TGFA: variants seen among roughly 807,000 people sequenced by gnomAD.
TGFA encodes the protein transforming growth factor alpha, also known as protransforming growth factor alpha.
A neutral mutation model predicts 21.7 loss-of-function variants in TGFA; 12 were observed. The ratio of observed to expected loss-of-function variants is 0.55; its 90% CI spans 0.35 to 0.90. The LOEUF is 0.90. Among genes scored for constraint, TGFA ranks in the 40% least tolerant of loss-of-function variants. TGFA has a pLI of 0.01. For synonymous variants in TGFA, 79 were observed against 88.1 expected (o/e 0.90, Z 0.58); for missense variants, 178 against 210.8 (o/e 0.84, Z 0.96).
intron 3 of TGFA, among the ~76,000 whole-genome samples, chr2:70,457,487 A>T (rs1230785504): frequency 6.6e-6 from 1 of 152,056 alleles, no homozygotes; most frequent in African/African-American, 2.4e-5. Flanking sequence ...TGTATAGAGT[A>T]ACATTCTTAT....
chr2:70,466,172 T>C (rs141233506), intron 2 of TGFA, among the ~76,000 whole-genome samples: 254 of 152,292 alleles, frequency 1.7e-3, no homozygotes, highest in African/African-American at 5.8e-3. Context: ...GAGTTAATGA[T>C]GCAAAAAGGT....
chr2:70,505,338 A>T (rs1671890822), intron 2 of TGFA, among the ~76,000 whole-genome samples: 1 of 152,224 alleles, frequency 6.6e-6, no homozygotes, highest in African/African-American at 2.4e-5. Flanking sequence ...TGGCAACTGC[A>T]ATCTGGTTAT....
intron 2 of TGFA, among the ~76,000 whole-genome samples, chr2:70,470,720 T>C (rs1670716481): frequency 6.6e-6 from 1 of 152,060 alleles, no homozygotes; most frequent in Non-Finnish European, 1.5e-5. Flanking sequence ...GAGACCAGAG[T>C]GGAAACAAGC....
At chr2:70,513,881 T>C (rs573606260) in intron 2 of TGFA, among the ~76,000 whole-genome samples, 17 of 151,782 alleles carry the variant, frequency 1.1e-4, no homozygotes, top group Non-Finnish European at 2.5e-4. Context: ...AACCAGGGAG[T>C]TGTGGGACTG....
At chr2:70,511,916 C>T (rs1438364940) in intron 2 of TGFA, among the ~76,000 whole-genome samples, 4 of 151,966 alleles carry the variant, frequency 2.6e-5, no homozygotes, top group Admixed American at 2.6e-4. Context: ...CACACACACA[C>T]ACACACACAC....
chr2:70,553,143 A>T, intron 1 of TGFA: 1 of 1,533,654 alleles, frequency 6.5e-7, no homozygotes, highest in Admixed American at 2.0e-5. Flanking sequence ...AGGGAAGTTA[A>T]TTAAAGGAAC....
chr2:70,494,632 C>T (rs186239870), intron 2 of TGFA, among the ~76,000 whole-genome samples: 12 of 152,282 alleles, frequency 7.9e-5, no homozygotes, highest in South Asian at 4.1e-4. Context: ...AATAAGTCTC[C>T]GACCTTATCT....
chr2:70,524,212 C>A (rs1553502665), intron 1 of TGFA, among the ~76,000 whole-genome samples: 1 of 152,208 alleles, frequency 6.6e-6, no homozygotes, highest in Admixed American at 6.5e-5. Context: ...AAGCAAATAG[C>A]AGATAGGTAA....
chr2:70,515,118 C>T (rs928655492), intron 1 of TGFA, among the ~76,000 whole-genome samples: 1 of 152,160 alleles, frequency 6.6e-6, no homozygotes, highest in Non-Finnish European at 1.5e-5. Flanking sequence ...AGAAAATGCC[C>T]ATGAAAAGCA....
chr2:70,468,341 G>T (rs1341891578), intron 2 of TGFA: 1 of 152,252 alleles, frequency 6.6e-6, no homozygotes, highest in Non-Finnish European at 1.5e-5. Context: ...CAGGACTGCT[G>T]GGTCCAGTTG....
Position 70,448,228 on chromosome 2 carries a change from T to A in TGFA, c.*2631A>T, listed in dbSNP as rs1669945619. ...TTTCCATGTAGAAGAAAACATTTCC[T>A]GTCAGGATGCTTAAAAAAAGTCACA... On this transcript the variant is annotated 3_prime_UTR_variant, in exon 6 of 6. Transcript: ENST00000295400. 6.6e-6 allele frequency: 1 copy of A among 152,184 alleles called. No homozygotes were observed. Among genetic ancestry groups the A allele is most frequent in the Non-Finnish European group, 1.5e-5 (1 of 68,032 alleles). The allele number at this position is 152,184 out of a possible 1,614,324, so 9.4% of individuals were successfully genotyped here. A position where few individuals can be genotyped will look rare whatever the true frequency, so the allele number is the denominator to read the frequency against.
At chr2:70,544,595 C>A (rs1011229152) in intron 1 of TGFA, among the ~76,000 whole-genome samples, 2 of 152,290 alleles carry the variant, frequency 1.3e-5, no homozygotes, top group Middle Eastern at 3.4e-3. Context: ...TTGGCTGAAT[C>A]CCTAGCATCT....
chr2:70,517,274 G>A (rs747861166), intron 1 of TGFA, among the ~76,000 whole-genome samples: 6 of 152,156 alleles, frequency 3.9e-5, no homozygotes, highest in East Asian at 1.9e-4. Flanking sequence ...ATACCCTCAC[G>A]GAAAACAACT....
chr2:70,541,059 A>G (rs79212386), intron 1 of TGFA, among the ~76,000 whole-genome samples: 2,168 of 152,324 alleles, frequency 0.014, 55 homozygotes, highest in East Asian at 0.071. Context: ...AAATATATTA[A>G]GAGACAAAAA....
intron 1 of TGFA, among the ~76,000 whole-genome samples, chr2:70,521,606 G>GTTTTTTTTTTT (rs1559133439): frequency 1.0e-4 from 10 of 98,212 alleles, no homozygotes; most frequent in Non-Finnish European, 1.4e-4. Context: ...TTTTTTTGTT[G>GTTTTTTTTTTT]TTGTTTGTTT....
intron 2 of TGFA, among the ~76,000 whole-genome samples, chr2:70,512,135 T>C (rs1672122903): frequency 1.3e-5 from 2 of 152,150 alleles, no homozygotes; most frequent in African/African-American, 4.8e-5. Context: ...GATCTAGTCA[T>C]AAAGCCCCAG....
chr2:70,450,721 A>C lies in TGFA; in HGVS notation c.*138T>G. 1 of 939,196 alleles carries C rather than the reference A, an allele frequency of 1.1e-6. No individual in the cohort carries two copies. 58.2% of individuals were successfully genotyped at this position (939,196 alleles called of 1,614,324 possible). On this transcript the variant is annotated 3_prime_UTR_variant, in exon 6 of 6. Transcript: ENST00000295400. ...TCTTGACAGAGTTTTGAAGGCCCAC[A>C]AAAGGCTGCACAGGTGATTACAGGC...
At chr2:70,455,717 G>A (rs1670207785) in intron 4 of TGFA, among the ~76,000 whole-genome samples, 1 of 152,154 alleles carries the variant, frequency 6.6e-6, no homozygotes, top group East Asian at 1.9e-4. Flanking sequence ...CAGGGTCTCT[G>A]ACCCTGCACA....
chr2:70,505,059 G>T (rs912509844), intron 2 of TGFA, among the ~76,000 whole-genome samples: 28 of 151,964 alleles, frequency 1.8e-4, no homozygotes, highest in African/African-American at 6.5e-4. Flanking sequence ...CAGCATATAG[G>T]GAGTACTCTA....
Sources: gnomAD v4.1 joint callset for allele counts (sites outside exome capture counted in the v4.1 genomes callset) on GRCh38, gnomAD v4.1.1 for gene constraint, MANE v1.5 for transcripts, NCBI Gene and HGNC (gene_info 2026-07-23, HGNC 2026-07-21) for gene names.